Variants in GGNBP2 observed in about 807,000 individuals in gnomAD.
GGNBP2 encodes the protein gametogenetin-binding protein 2.
GGNBP2 carries 10 observed loss-of-function variants against 85.9 expected under a neutral mutation model. The observed-to-expected ratio is 0.12, with a 90% CI of 0.07 to 0.20. The LOEUF (loss-of-function observed/expected upper bound fraction) is 0.20, where lower values mean the gene tolerates loss of function less well. Ranked by LOEUF, GGNBP2 falls within the 10% of genes least tolerant of loss-of-function variation. The pLI, the probability that GGNBP2 is intolerant of heterozygous loss-of-function variation, is 1.00. For synonymous variants in GGNBP2, 287 were observed against 285.7 expected (o/e 1.00, Z -0.05); for missense variants, 595 against 857.8 (o/e 0.69, Z 3.83).
At position 36,585,374 on chromosome 17, in the gene GGNBP2, A is replaced by G. The variant is rs375014264; in HGVS notation, c.1290A>G (p.Val430=). Residue 430 remains valine, a synonymous_variant, in exon 10 of 14, where the codon GTA becomes GTG. Transcript: ENST00000613102. The part of the protein sequence containing the change: ...STEDGNTCVE[V]IVTNENTSCT... ...AAGATGGTAATACTTGTGTAGAAGT[A>G]ATTGTTACCAATGAAAATACATCAT... 232 of 1,612,436 alleles carry G rather than the reference A, an allele frequency of 1.4e-4. 3 individuals are homozygous for G. Among genetic ancestry groups the G allele is most frequent in the South Asian group, 1.0e-3 (94 of 90,946 alleles).
chr17:36,545,443 C>A (rs2074240909), intron 1 of GGNBP2, 176 bp from the exon 2 acceptor site: 1 of 382,750 alleles, frequency 2.6e-6, no homozygotes, highest in Non-Finnish European at 4.6e-6. Context: ...GGGAGCGCGG[C>A]GCGAGGGGGG....
chr17:36,547,031 A>T (rs2142664550), intron 2 of GGNBP2: 1 of 152,334 alleles, frequency 6.6e-6, no homozygotes, highest in East Asian at 1.9e-4. Flanking sequence ...CAGCATTTCT[A>T]ATTATTCAAG....
At chr17:36,551,759 G>GC (rs1390105703) in intron 2 of GGNBP2, among the ~76,000 whole-genome samples, 8 of 151,878 alleles carry the variant, frequency 5.3e-5, no homozygotes, top group Admixed American at 3.9e-4. Flanking sequence ...AACCTGGGAG[G>GC]CAGAGGCTGC....
chr17:36,566,185 G>A (rs1244230127), intron 5 of GGNBP2, among the ~76,000 whole-genome samples: 1 of 152,210 alleles, frequency 6.6e-6, no homozygotes, highest in Non-Finnish European at 1.5e-5. Flanking sequence ...ACAGGAGCCA[G>A]TTGTTCAGAA....
intron 1 of GGNBP2, chr17:36,545,366 C>G (rs914426478): frequency 3.6e-5 from 9 of 249,414 alleles, no homozygotes; most frequent in Non-Finnish European, 4.6e-5. Context: ...GCAGGCCGGT[C>G]CCTTCCGCCT....
chr17:36,558,302 C>T lies in GGNBP2; in HGVS notation c.428+966C>T, dbSNP rs183530897. On this transcript the variant is annotated intron_variant, in intron 4 of 13. Coordinates refer to ENST00000613102, the MANE Select transcript of GGNBP2 (RefSeq NM_024835.5). ...TGGTGGCGGGTCCCTGTAATCCCAGCTACTCGAGAGGCTGAGGCAGGAGAA... is the reference window on the plus strand; with the variant it reads ...TGGTGGCGGGTCCCTGTAATCCCAGTTACTCGAGAGGCTGAGGCAGGAGAA... Among the ~76,000 whole-genome samples the T allele has an allele frequency of 1.9e-3, 276 of 147,692 alleles. 3 individuals carry two copies. The highest frequency in any genetic ancestry group is 0.017 in the East Asian group (82 of 4,774).
At chr17:36,565,475 T>C (rs1439777759) in intron 5 of GGNBP2, among the ~76,000 whole-genome samples, 1 of 152,170 alleles carries the variant, frequency 6.6e-6, no homozygotes, top group Non-Finnish European at 1.5e-5. Context: ...AAAAATGCCT[T>C]CACATTCTAA....
chr17:36,550,811 A>G (rs1327678664), intron 2 of GGNBP2, among the ~76,000 whole-genome samples: 2 of 152,230 alleles, frequency 1.3e-5, no homozygotes, highest in Non-Finnish European at 2.9e-5. Context: ...AATACTTTAC[A>G]GGACTGTCTT....
chr17:36,574,661 C>T, intron 6 of GGNBP2: 1 of 597,968 alleles, frequency 1.7e-6, no homozygotes, highest in Non-Finnish European at 3.0e-6. Flanking sequence ...AGTGTAGCCC[C>T]TGGCTAAGGT....
chr17:36,545,806 G>T lies in GGNBP2; in HGVS notation c.82G>T (p.Asp28Tyr). Residue 28 changes from aspartate (D) to tyrosine (Y), a missense_variant, in exon 2 of 14, where the codon GAC becomes TAC. Asp to Tyr is a radical substitution (Grantham distance 160, BLOSUM62 -3). Coordinates refer to ENST00000613102, the MANE Select transcript of GGNBP2 (RefSeq NM_024835.5). The part of the protein sequence containing the change: ...ERRQIPLYID[D>Y]TLTMVMEFPD... ...GAGGCAGATTCCCCTCTACATAGAC[G>T]ACACCCTGACGGTGAGCGGGCCGGG... 1.3e-6 allele frequency: 2 copies of T among 1,561,684 alleles called. No homozygotes were observed. The highest frequency in any genetic ancestry group is 8.7e-7 in the Non-Finnish European group (1 of 1,153,198).
intron 7 of GGNBP2, chr17:36,578,802 CACTTGTAAAG>C (rs1567831828): frequency 6.4e-6 from 1 of 155,622 alleles, no homozygotes; most frequent in African/African-American, 2.4e-5. Context: ...GTTCTGTGAA[CACTTGTAAAG>C]ACTGGCCTGG....
intron 6 of GGNBP2, chr17:36,574,703 A>G (rs2074559071): frequency 4.7e-6 from 3 of 633,972 alleles, no homozygotes; most frequent in African/African-American, 1.8e-5. Context: ...CATCATAAGC[A>G]GCTTCTTGGG....
At chr17:36,578,285 T>TC in intron 7 of GGNBP2, 99 bp downstream of exon 7, 36 of 850,226 alleles carry the variant, frequency 4.2e-5, no homozygotes, top group Non-Finnish European at 6.0e-5. Context: ...GTACATATGA[T>TC]ATATGTATAA....
chr17:36,574,741 T>G, intron 6 of GGNBP2: 2 of 627,972 alleles, frequency 3.2e-6, no homozygotes, highest in East Asian at 2.8e-5. Flanking sequence ...TGCCAGTGCC[T>G]CTGGGCGTAG....
chr17:36,586,922 T>G, intron 12 of GGNBP2, 75 bp from the exon 13 acceptor site: 1 of 1,403,300 alleles, frequency 7.1e-7, no homozygotes, highest in Non-Finnish European at 9.6e-7. Flanking sequence ...CCCCGCTTTT[T>G]TTTTTTTTTT....
chr17:36,562,665 A>G (rs757980748), intron 5 of GGNBP2, among the ~76,000 whole-genome samples: 16 of 151,760 alleles, frequency 1.1e-4, no homozygotes, highest in Admixed American at 1.1e-3. Context: ...AGCAACAAAA[A>G]ATATTTAAAA....
In GGNBP2 at chr17:36,575,636, A is replaced by T. The variant is rs1451624208; in HGVS notation, c.642-2347A>T. 8.0e-5 allele frequency among the ~76,000 whole-genome samples: 4 copies of T among 49,818 alleles called. No individual in the cohort carries two copies. In the East Asian group the frequency reaches 2.6e-3, roughly 32 times the overall value. 32.7% of individuals were successfully genotyped at this position (49,818 alleles called of 152,430 possible). The stretch of plus-strand genomic sequence containing the variant: ...AACATATATATATATATATATATAT[A>T]TATATATATATATTTTTTTTTTTTT... On this transcript the variant is annotated intron_variant, in intron 6 of 13. Coordinates refer to ENST00000613102, the MANE Select transcript of GGNBP2 (RefSeq NM_024835.5).
At chr17:36,562,588 A>G (rs2074428355) in intron 5 of GGNBP2, among the ~76,000 whole-genome samples, 1 of 150,936 alleles carries the variant, frequency 6.6e-6, no homozygotes, top group African/African-American at 2.4e-5. Context: ...TTCCTCCCTG[A>G]CACAAAGACT....
intron 6 of GGNBP2, chr17:36,574,600 G>C (rs2074558247): frequency 1.8e-6 from 1 of 549,118 alleles, no homozygotes; most frequent in African/African-American, 2.0e-5. Context: ...GGTAGCTGTA[G>C]GTCTTAGAGA....
Sources: allele counts gnomAD v4.1 joint callset (sites outside exome capture counted in the v4.1 genomes callset), GRCh38; gene constraint gnomAD v4.1.1; transcripts MANE v1.5; gene names NCBI Gene and HGNC (gene_info 2026-07-23, HGNC 2026-07-21).